Variants in EFHB observed in about 807,000 individuals in gnomAD.
The protein encoded by EFHB is EF-hand domain family member B, also known as EF-hand domain-containing family member B.
In EFHB, 91 loss-of-function variants were observed where a neutral mutation model predicts 87.2. That is an observed-to-expected ratio of 1.04 (90% CI 0.88 to 1.24). EFHB has a LOEUF of 1.24. Among genes scored for constraint, EFHB ranks in the 50% most tolerant of loss-of-function variants. The probability of loss-of-function intolerance (pLI) is 0.00; values close to 1 mark genes in which losing one functional copy is unlikely to be tolerated. For synonymous variants in EFHB, 325 were observed against 333.6 expected (o/e 0.97, Z 0.28); for missense variants, 1,084 against 998.8 (o/e 1.09, Z -1.15).
chr3:19,909,490 A>G (rs1443158228), intron 5 of EFHB, among the ~76,000 whole-genome samples: 3 of 152,222 alleles, frequency 2.0e-5, no homozygotes, highest in Non-Finnish European at 2.9e-5. Flanking sequence ...AGTCTAGGCC[A>G]TAAGGACTGG....
intron 5 of EFHB, among the ~76,000 whole-genome samples, chr3:19,911,318 T>C: frequency 6.6e-6 from 1 of 151,968 alleles, no homozygotes; most frequent in Non-Finnish European, 1.5e-5. Context: ...TCTGAGCACT[T>C]TGGGAGGCCA....
At chr3:19,923,251 G>C (rs1403030052) in intron 1 of EFHB, among the ~76,000 whole-genome samples, 1 of 149,788 alleles carries the variant, frequency 6.7e-6, no homozygotes, top group African/African-American at 2.5e-5. Context: ...TGGGCAAAAA[G>C]AGTGAAACTC....
intron 9 of EFHB, among the ~76,000 whole-genome samples, chr3:19,891,598 G>A (rs1694307481): frequency 6.6e-6 from 1 of 152,110 alleles, no homozygotes; most frequent in Non-Finnish European, 1.5e-5. Context: ...TTGGGCTGTT[G>A]ACTGTGGCCT....
intron 6 of EFHB, 39 bp downstream of exon 6, chr3:19,905,581 T>C: frequency 1.3e-6 from 2 of 1,589,506 alleles, no homozygotes; most frequent in South Asian, 2.3e-5. Flanking sequence ...AGTCCAAATG[T>C]CTAACACTTG....
chr3:19,893,457 G>A (rs1236044294), intron 9 of EFHB, among the ~76,000 whole-genome samples: 3 of 152,132 alleles, frequency 2.0e-5, no homozygotes, highest in Non-Finnish European at 4.4e-5. Context: ...TAGGGGGAGC[G>A]CAGCAACCGA....
chr3:19,915,276 G>C (rs376703410), intron 5 of EFHB, 27 bp downstream of exon 5: 16 of 1,490,078 alleles, frequency 1.1e-5, no homozygotes, highest in Non-Finnish European at 1.4e-5. Flanking sequence ...ATATCCTCAG[G>C]CCCATTTTGC....
In EFHB at chr3:19,896,797, G is replaced by A. The variant is rs770434199; in HGVS notation, c.1615C>T (p.Arg539Ter). 1.7e-5 allele frequency: 27 copies of A among 1,613,734 alleles called. No homozygotes were observed. In the African/African-American group the frequency reaches 1.9e-4, roughly 11 times the overall value. The change falls in exon 9 of 13, where the codon CGA (arginine) becomes TGA (stop). Residue 539 changes from arginine to a stop codon, truncating the protein, a stop_gained. Transcript: ENST00000295824. LOFTEE classifies it high-confidence loss of function. ...IHNRLPDEYLRGKDRQRALIA... is the reference protein window; with the variant it reads ...IHNRLPDEYL ...AGGGCTCGCTGTCTATCCTTGCCTC[G>A]AAGATATTCATCCGGAAGTCTATTA... is the stretch of plus-strand genomic sequence containing the variant.
intron 9 of EFHB, among the ~76,000 whole-genome samples, chr3:19,895,471 A>T (rs1269346687): frequency 1.3e-5 from 2 of 148,918 alleles, no homozygotes; most frequent in African/African-American, 5.0e-5. Flanking sequence ...ACAGAGCGAG[A>T]CTCGGTCTCA....
intron 10 of EFHB, among the ~76,000 whole-genome samples, chr3:19,887,035 G>A (rs1694125392): frequency 6.6e-6 from 1 of 152,126 alleles, no homozygotes; most frequent in South Asian, 2.1e-4. Flanking sequence ...CAGCATGAGG[G>A]AACTGAAATG....
intron 1 of EFHB, chr3:19,940,923 G>T: frequency 2.9e-6 from 1 of 340,138 alleles, no homozygotes; most frequent in Non-Finnish European, 5.9e-6. Context: ...TGGAAGGAAT[G>T]GTAGTATTAT....
chr3:19,944,759 G>C (rs1696232860), intron 1 of EFHB, among the ~76,000 whole-genome samples: 1 of 71,484 alleles, frequency 1.4e-5, no homozygotes, highest in Non-Finnish European at 3.4e-5. Flanking sequence ...ATAAATTTCA[G>C]CATCAAATGT....
At chr3:19,942,840 G>A (rs1388875186) in intron 1 of EFHB, 1 of 155,864 alleles carries the variant, frequency 6.4e-6, no homozygotes, top group Non-Finnish European at 1.4e-5. Flanking sequence ...TGTGAATGAT[G>A]GGGAGCAGCT....
intron 1 of EFHB, among the ~76,000 whole-genome samples, chr3:19,939,996 G>A (rs1017306893): frequency 5.9e-5 from 9 of 152,118 alleles, no homozygotes; most frequent in South Asian, 2.1e-4. Flanking sequence ...GCCATCTTCC[G>A]ACATCTCTCA....
chr3:19,938,243 G>A (rs760894418), upstream of EFHB, among the ~76,000 whole-genome samples: 6 of 152,168 alleles, frequency 3.9e-5, no homozygotes, highest in Non-Finnish European at 8.8e-5. Context: ...GTAGTGTTCC[G>A]TATCTCAATA....
intron 10 of EFHB, among the ~76,000 whole-genome samples, chr3:19,887,553 A>T (rs1212022305): frequency 6.6e-6 from 1 of 152,190 alleles, no homozygotes; most frequent in Non-Finnish European, 1.5e-5. Flanking sequence ...TGTAGGCCAG[A>T]GGTATCCAAC....
chr3:19,934,338 T>C, upstream of EFHB: 1 of 1,027,568 alleles, frequency 9.7e-7, no homozygotes, highest in South Asian at 2.5e-5. Flanking sequence ...TCTCCCCTCT[T>C]CTCTCTCCTC....
chr3:19,880,534 G>A (rs1437920330), intron 12 of EFHB, among the ~76,000 whole-genome samples: 1 of 152,114 alleles, frequency 6.6e-6, no homozygotes, highest in Admixed American at 6.5e-5. Context: ...TTACAGGCAT[G>A]AGCCTCTAGG....
intron 6 of EFHB, among the ~76,000 whole-genome samples, chr3:19,902,561 C>T (rs1464958123): frequency 6.6e-6 from 1 of 151,882 alleles, no homozygotes; most frequent in Admixed American, 6.6e-5. Context: ...CACTATGTGG[C>T]CAGGCTGGTC....
intron 1 of EFHB, among the ~76,000 whole-genome samples, chr3:19,946,611 T>TG (rs779676944): frequency 1.3e-5 from 2 of 152,124 alleles, no homozygotes; most frequent in Non-Finnish European, 2.9e-5. Flanking sequence ...TCTTCCTCCT[T>TG]GGGGTAAATG....
Sources: allele counts gnomAD v4.1 joint callset (sites outside exome capture counted in the v4.1 genomes callset), GRCh38; gene constraint gnomAD v4.1.1; transcripts MANE v1.5; gene names NCBI Gene and HGNC (gene_info 2026-07-23, HGNC 2026-07-21).